The following LURAP1L variants were observed in gnomAD, a reference collection of about 807,000 sequenced individuals.
LURAP1L encodes the protein leucine rich adaptor protein 1 like, also known as leucine rich adaptor protein 1-like.
LURAP1L carries 12 observed loss-of-function variants against 13.8 expected under a neutral mutation model. The observed-to-expected ratio is 0.87, with a 90% CI of 0.56 to 1.41. The LOEUF (loss-of-function observed/expected upper bound fraction) is 1.41, where lower values mean the gene tolerates loss of function less well. Among genes scored for constraint, LURAP1L ranks in the 40% most tolerant of loss-of-function variants. The probability of loss-of-function intolerance (pLI) is 0.00; values close to 1 mark genes in which losing one functional copy is unlikely to be tolerated. For missense variants in LURAP1L, 375 were observed against 292.9 expected (o/e 1.28, Z -2.04); for synonymous variants, 139 against 119.2 (o/e 1.17, Z -1.08).
In LURAP1L at chr9:12,820,881, T is replaced by C. The variant is rs150734813; in HGVS notation, c.313-505T>C. On this transcript the variant is annotated intron_variant, in intron 1 of 1. Transcript: ENST00000319264. ...TAATAATACCTGTCATACAGTGTTA[T>C]TAGATTTTGCTAATGAATGCTGAAC... Among the ~76,000 whole-genome samples, 1,391 of 152,258 alleles carry C rather than the reference T, an allele frequency of 9.1e-3. 12 individuals carry two copies. The highest frequency in any genetic ancestry group is 0.012 in the Non-Finnish European group (827 of 68,018).
At chr9:12,776,862 T>C (rs1466986305) in intron 1 of LURAP1L, among the ~76,000 whole-genome samples, 1 of 152,156 alleles carries the variant, frequency 6.6e-6, no homozygotes, top group Non-Finnish European at 1.5e-5. Context: ...TAAGACACTA[T>C]TTACTTGCCA....
At position 12,821,838 on chromosome 9, in the gene LURAP1L, A is replaced by AT; in HGVS notation, c.*83dup. 6.7e-7 allele frequency: 1 copy of AT among 1,489,990 alleles called. No individual in the cohort carries two copies. Among genetic ancestry groups the AT allele is most frequent in the Non-Finnish European group, 8.9e-7 (1 of 1,117,438 alleles). 92.3% of individuals were successfully genotyped at this position (1,489,990 alleles called of 1,614,324 possible). On this transcript the variant is annotated 3_prime_UTR_variant, in exon 2 of 2. Transcript: ENST00000319264. ...TCTCCGCTGCTATATTTTTGGTGTG[A>AT]TTTTTATTTTAATAAGATGACCTTT...
At chr9:12,777,125 T>C in intron 1 of LURAP1L, 1 of 547,254 alleles carries the variant, frequency 1.8e-6, no homozygotes, top group Non-Finnish European at 2.3e-6. Flanking sequence ...CCGACAGGAA[T>C]GCTGGAAATT....
At chr9:12,813,128 C>T (rs1013436457) in intron 1 of LURAP1L, among the ~76,000 whole-genome samples, 11 of 152,090 alleles carry the variant, frequency 7.2e-5, no homozygotes, top group Non-Finnish European at 1.3e-4. Flanking sequence ...GCCTTCATTC[C>T]GTACCTCCTC....
rs368113373 is a variant in LURAP1L at position 12,808,157 on chromosome 9, C to T, written c.313-13229C>T. 2.1e-4 allele frequency among the ~76,000 whole-genome samples: 32 copies of T among 151,534 alleles called. No homozygotes were observed. The East Asian group carries it at 3.7e-3, about 17-fold the overall frequency. On this transcript the variant is annotated intron_variant, in intron 1 of 1. Transcript: ENST00000319264. ...ATATTTTACCTTCTTTTTTTCTTTC[C>T]TAATGCTCTTCCATTTTTTTTAATA... is the stretch of plus-strand genomic sequence containing the variant.
intron 1 of LURAP1L, among the ~76,000 whole-genome samples, chr9:12,810,409 A>G (rs893774119): frequency 6.6e-6 from 1 of 152,192 alleles, no homozygotes; most frequent in Non-Finnish European, 1.5e-5. Context: ...CAATTTAGCC[A>G]ATGACCTCAG....
intron 1 of LURAP1L, among the ~76,000 whole-genome samples, chr9:12,791,325 C>A (rs1819437654): frequency 6.6e-6 from 1 of 152,096 alleles, no homozygotes; most frequent in Non-Finnish European, 1.5e-5. Flanking sequence ...AAACCAGCAG[C>A]TGTGTGGGTT....
At chr9:12,820,509 C>A (rs555925807) in intron 1 of LURAP1L, among the ~76,000 whole-genome samples, 12 of 79,240 alleles carry the variant, frequency 1.5e-4, no homozygotes, top group East Asian at 6.8e-4. Flanking sequence ...TCCCCCCCCC[C>A]CCCCCAAAAA....
chr9:12,780,747 TA>T (rs35077919), intron 1 of LURAP1L, among the ~76,000 whole-genome samples: 116,395 of 151,576 alleles, frequency 0.77, 46,146 homozygotes, highest in Non-Finnish European at 0.88. Context: ...TTCTTTTTTT[TA>T]AAAAAAATAA....
In LURAP1L at chr9:12,821,701, G is replaced by C. The variant is rs145802745; in HGVS notation, c.628G>C (p.Asp210His). The change falls in exon 2 of 2, where the codon GAC becomes CAC. Residue 210 changes from aspartate to histidine, a missense_variant. Transcript: ENST00000319264. Reference protein sequence around the residue: ...DQFSDSSLIEDSQALHKRPKL... With the variant: ...DQFSDSSLIEHSQALHKRPKL... The stretch of plus-strand genomic sequence containing the variant: ...ATTCAGTGACAGCTCCCTCATAGAG[G>C]ACTCACAGGCACTACACAAGCGTCC... 3.0e-5 allele frequency: 48 copies of C among 1,614,164 alleles called. No homozygotes were observed. Among genetic ancestry groups the C allele is most frequent in the Non-Finnish European group, 4.0e-5 (47 of 1,180,036 alleles).
chr9:12,788,148 G>GAAAGAAAGA (rs146580464), intron 1 of LURAP1L, among the ~76,000 whole-genome samples: 1 of 117,330 alleles, frequency 8.5e-6, no homozygotes, highest in Non-Finnish European at 1.7e-5. Flanking sequence ...GAAAGAGAAA[G>GAAAGAAAGA]AAGAAAGAAA....
chr9:12,810,128 T>G (rs1039172633), intron 1 of LURAP1L, among the ~76,000 whole-genome samples: 1 of 152,180 alleles, frequency 6.6e-6, no homozygotes. Context: ...GAGGTCTGGA[T>G]GTATTTCAGA....
At chr9:12,798,205 T>C (rs1296674081) in intron 1 of LURAP1L, among the ~76,000 whole-genome samples, 1 of 152,148 alleles carries the variant, frequency 6.6e-6, no homozygotes, top group African/African-American at 2.4e-5. Flanking sequence ...TAAAACTTGG[T>C]ATTACAAAGC....
At chr9:12,818,132 A>G (rs1431097319) in intron 1 of LURAP1L, among the ~76,000 whole-genome samples, 7 of 83,764 alleles carry the variant, frequency 8.4e-5, no homozygotes, top group African/African-American at 7.9e-5. Flanking sequence ...GCTTCCACTA[A>G]AAAAAAAAAA....
intron 1 of LURAP1L, among the ~76,000 whole-genome samples, chr9:12,791,691 T>TACACACACAC (rs111521632): frequency 1.3e-4 from 19 of 147,628 alleles, no homozygotes; most frequent in African/African-American, 4.8e-4. Context: ...CCCTTCTTTT[T>TACACACACAC]ACACACACAC....
Position 12,775,533 on chromosome 9 carries a change from G to A in LURAP1L, c.-183G>A. On this transcript the variant is annotated 5_prime_UTR_variant, in exon 1 of 2. Transcript: ENST00000319264. ...GGGAACTGCAGCTGCGACCCCCCGC[G>A]TCCTGTGCGGATTTCAGGGCTGATA... 3.3e-6 allele frequency: 3 copies of A among 912,150 alleles called. No individual in the cohort carries two copies. The highest frequency in any genetic ancestry group is 4.6e-6 in the Non-Finnish European group (3 of 650,714). The allele number at this position is 912,150 out of a possible 1,614,324, so 56.5% of individuals were successfully genotyped here.
intron 1 of LURAP1L, among the ~76,000 whole-genome samples, chr9:12,803,366 A>G (rs1258886135): frequency 1.3e-5 from 2 of 152,230 alleles, no homozygotes; most frequent in Admixed American, 6.5e-5. Flanking sequence ...GGAAGATTAG[A>G]TACTTGTTAT....
chr9:12,780,166 C>CT (rs1819249530), intron 1 of LURAP1L, among the ~76,000 whole-genome samples: 1 of 152,202 alleles, frequency 6.6e-6, no homozygotes, highest in African/African-American at 2.4e-5. Context: ...CTAGAAAGAA[C>CT]TAGAAACTTG....
intron 1 of LURAP1L, among the ~76,000 whole-genome samples, chr9:12,793,430 C>T (rs192308573): frequency 5.9e-5 from 9 of 152,062 alleles, no homozygotes; most frequent in Admixed American, 2.6e-4. Flanking sequence ...AGAATTAGAC[C>T]GATGCATGTC....
Sources: allele counts gnomAD v4.1 joint callset (sites outside exome capture counted in the v4.1 genomes callset), GRCh38; gene constraint gnomAD v4.1.1; transcripts MANE v1.5; gene names NCBI Gene and HGNC (gene_info 2026-07-23, HGNC 2026-07-21).